Variants in LRMDA observed in about 807,000 individuals in gnomAD.
LRMDA encodes the protein leucine-rich melanocyte differentiation-associated protein.
LRMDA carries 18 observed loss-of-function variants against 29.8 expected under a neutral mutation model. That is an observed-to-expected ratio of 0.60 (90% CI 0.42 to 0.90). LRMDA has a LOEUF of 0.90. Among genes scored for constraint, LRMDA ranks in the 40% least tolerant of loss-of-function variants. The pLI, the probability that LRMDA is intolerant of heterozygous loss-of-function variation, is 0.00. For synonymous variants in LRMDA, 125 were observed against 109.4 expected, an observed-to-expected ratio of 1.14 and a Z score of -0.89; for missense variants, 273 against 273.9, an observed-to-expected ratio of 1.00 and a Z score of 0.02.
At chr10:75,516,188 A>G (rs1267283700) in intron 2 of LRMDA, among the ~76,000 whole-genome samples, 1 of 152,228 alleles carries the variant, frequency 6.6e-6, no homozygotes, top group Non-Finnish European at 1.5e-5. Context: ...TCTTTATAGT[A>G]GCATGATTTA....
At chr10:76,386,342 C>A (rs1175416747) in intron 6 of LRMDA, among the ~76,000 whole-genome samples, 1 of 152,258 alleles carries the variant, frequency 6.6e-6, no homozygotes, top group East Asian at 1.9e-4. Context: ...AAGATTTAGA[C>A]CCTCTATCTC....
chr10:76,363,215 A>AGGG (rs1554815873), intron 6 of LRMDA, among the ~76,000 whole-genome samples: 8 of 24,986 alleles, frequency 3.2e-4, no homozygotes, highest in Non-Finnish European at 4.8e-4. Context: ...GGAGGGAAGG[A>AGGG]AGAGAAAGAA....
At chr10:75,547,362 C>T (rs1222894465) in intron 2 of LRMDA, among the ~76,000 whole-genome samples, 1 of 152,178 alleles carries the variant, frequency 6.6e-6, no homozygotes, top group Non-Finnish European at 1.5e-5. Context: ...TTTCTTTGCT[C>T]ATCTCTAATT....
chr10:75,922,893 G>C (rs1023230083), intron 2 of LRMDA, among the ~76,000 whole-genome samples: 1 of 151,938 alleles, frequency 6.6e-6, no homozygotes, highest in African/African-American at 2.4e-5. Flanking sequence ...ATCTATTATT[G>C]GTGGTGATGG....
intron 2 of LRMDA, among the ~76,000 whole-genome samples, chr10:75,888,641 G>T (rs1417798270): frequency 6.6e-6 from 1 of 152,172 alleles, no homozygotes; most frequent in African/African-American, 2.4e-5. Flanking sequence ...TTAGGCTCGG[G>T]CTGACTGGAG....
At position 75,665,994 on chromosome 10, in the gene LRMDA, G is replaced by A. The variant is rs76855591; in HGVS notation, c.131+227500G>A. 3.6e-3 allele frequency among the ~76,000 whole-genome samples: 544 copies of A among 152,180 alleles called. 2 individuals carry two copies. Among genetic ancestry groups the A allele is most frequent in the Admixed American group, 5.8e-3 (88 of 15,290 alleles). ...GAATTCTTCTTTGAACTGATACAATGTCTTACTCTCTCATTAATTAAAAGA... is the reference window on the plus strand; with the variant it reads ...GAATTCTTCTTTGAACTGATACAATATCTTACTCTCTCATTAATTAAAAGA... On this transcript the variant is annotated intron_variant, in intron 2 of 6. Coordinates refer to ENST00000611255, the MANE Select transcript of LRMDA (RefSeq NM_001305581.2).
chr10:75,830,425 C>A (rs1418316463), intron 2 of LRMDA, among the ~76,000 whole-genome samples: 1 of 152,110 alleles, frequency 6.6e-6, no homozygotes, highest in Non-Finnish European at 1.5e-5. Flanking sequence ...TGAGACTGGG[C>A]AATGTACAAA....
At chr10:76,168,500 A>G (rs2132188948) in intron 5 of LRMDA, among the ~76,000 whole-genome samples, 1 of 152,352 alleles carries the variant, frequency 6.6e-6, no homozygotes, top group South Asian at 2.1e-4. Flanking sequence ...TTGCTCAAAC[A>G]GAAGCATTGT....
chr10:76,503,657 T>TATCTGA (rs1842933080), intron 6 of LRMDA, among the ~76,000 whole-genome samples: 2 of 151,862 alleles, frequency 1.3e-5, no homozygotes, highest in Non-Finnish European at 2.9e-5. Context: ...TGTATTTCTG[T>TATCTGA]GGTATCAATT....
At position 76,311,045 on chromosome 10, in the gene LRMDA, T is replaced by G. The variant is rs187942811; in HGVS notation, c.517-13356T>G. 1.7e-3 allele frequency among the ~76,000 whole-genome samples: 266 copies of G among 152,258 alleles called. 1 individual carries two copies. Among genetic ancestry groups the G allele is most frequent in the Middle Eastern group, 6.8e-3 (2 of 294 alleles). On this transcript the variant is annotated intron_variant, in intron 5 of 6. Transcript: ENST00000611255. ...TCACTTGCATTTTTTTTTCAACCCC[T>G]GGTACCTATGAATAAAGAAATAAAG... is the stretch of plus-strand genomic sequence containing the variant.
intron 2 of LRMDA, among the ~76,000 whole-genome samples, chr10:75,786,256 A>C (rs542878185): frequency 6.6e-6 from 1 of 152,282 alleles, no homozygotes; most frequent in Non-Finnish European, 1.5e-5. Flanking sequence ...AATTCTGATG[A>C]GTAGGTGGAG....
chr10:76,046,193 C>G (rs553158266), intron 3 of LRMDA, among the ~76,000 whole-genome samples: 1 of 152,306 alleles, frequency 6.6e-6, no homozygotes, highest in East Asian at 1.9e-4. Context: ...CCTATCTAAC[C>G]ATCACCTTAC....
Position 76,284,251 on chromosome 10 carries a change from G to A in LRMDA, c.517-40150G>A, listed in dbSNP as rs796889317. The stretch of plus-strand genomic sequence containing the variant: ...GTGGAGGTTATTCTGCATTATCCAG[G>A]TGGGCCTGAGGTAAGCACAACGGTT... On this transcript the variant is annotated intron_variant, in intron 5 of 6. Coordinates refer to ENST00000611255, the MANE Select transcript of LRMDA (RefSeq NM_001305581.2). 5.4e-4 allele frequency among the ~76,000 whole-genome samples: 82 copies of A among 152,260 alleles called. 2 individuals carry two copies. Among genetic ancestry groups the A allele is most frequent in the African/African-American group, 1.8e-3 (76 of 41,550 alleles).
intron 2 of LRMDA, among the ~76,000 whole-genome samples, chr10:75,466,257 G>T (rs1396270383): frequency 6.6e-6 from 1 of 152,182 alleles, no homozygotes; most frequent in Non-Finnish European, 1.5e-5. Context: ...GATTGCAAAA[G>T]GTAGTGTAAA....
At chr10:76,363,276 A>AAGGGAAGG (rs1218743181) in intron 6 of LRMDA, among the ~76,000 whole-genome samples, 2 of 58,800 alleles carry the variant, frequency 3.4e-5, no homozygotes, top group Admixed American at 1.7e-4. Flanking sequence ...GGAAGGAAGG[A>AAGGGAAGG]AAGGAAGGAA....
chr10:75,842,850 C>G (rs531265830), intron 2 of LRMDA, among the ~76,000 whole-genome samples: 1 of 150,626 alleles, frequency 6.6e-6, no homozygotes, highest in South Asian at 2.1e-4. Context: ...AGTGAGACCC[C>G]TGTTTCTTAA....
At chr10:76,235,584 G>A (rs1211735591) in intron 5 of LRMDA, among the ~76,000 whole-genome samples, 1 of 152,088 alleles carries the variant, frequency 6.6e-6, no homozygotes, top group East Asian at 1.9e-4. Context: ...CCTGCGACAG[G>A]GTCTTTCTGG....
At chr10:75,904,061 G>T (rs1281965034) in intron 2 of LRMDA, among the ~76,000 whole-genome samples, 1 of 152,240 alleles carries the variant, frequency 6.6e-6, no homozygotes, top group Non-Finnish European at 1.5e-5. Flanking sequence ...AATGACGGCT[G>T]TGGCTGGGAT....
At chr10:75,782,436 C>G (rs1843399096) in intron 2 of LRMDA, among the ~76,000 whole-genome samples, 1 of 152,000 alleles carries the variant, frequency 6.6e-6, no homozygotes, top group South Asian at 2.1e-4. Flanking sequence ...ATTATTTTTT[C>G]TTCTTCCTCT....
Sources: gnomAD v4.1 joint callset for allele counts (sites outside exome capture counted in the v4.1 genomes callset) on GRCh38, gnomAD v4.1.1 for gene constraint, MANE v1.5 for transcripts, NCBI Gene and HGNC (gene_info 2026-07-23, HGNC 2026-07-21) for gene names.